SLC35F2: variants seen among roughly 807,000 people sequenced by gnomAD.
The protein encoded by SLC35F2 is queuine/queuosine transporter SLC35F2.
In SLC35F2, 25 loss-of-function variants were observed where a neutral mutation model predicts 38.1. The observed-to-expected ratio is 0.66, with a 90% CI of 0.48 to 0.92. SLC35F2 has a LOEUF of 0.92. Ranked by LOEUF, SLC35F2 falls within the 40% of genes least tolerant of loss-of-function variation. SLC35F2 has a pLI of 0.00. For missense variants in SLC35F2, 409 were observed against 452.9 expected, an observed-to-expected ratio of 0.90 and a Z score of 0.88; for synonymous variants, 173 against 181.7, an observed-to-expected ratio of 0.95 and a Z score of 0.38.
In SLC35F2 at chr11:107,792,735, G is replaced by A. The variant is rs770193545; in HGVS notation, c.1005C>T (p.Thr335=). The change falls in exon 8 of 8, where the codon ACC becomes ACT. Residue 335 remains threonine, a synonymous_variant. Transcript: ENST00000525815. ...CAGCCGGCTCGGCCGTGCGAGTAGG[G>A]GTGGAGCAGTACAGGATAAACCCCA... ...IMVGFILYCS[T]PTRTAEPAES... The A allele has an allele frequency of 2.5e-6, 4 of 1,613,894 alleles. No homozygotes were observed. In the East Asian group the frequency reaches 6.7e-5, roughly 27 times the overall value.
chr11:107,807,924 C>G (rs1055685931), intron 3 of SLC35F2, among the ~76,000 whole-genome samples: 2 of 152,150 alleles, frequency 1.3e-5, no homozygotes, highest in African/African-American at 4.8e-5. Flanking sequence ...CTACCTGCAA[C>G]CATTTACTCA....
chr11:107,811,731 G>A lies in SLC35F2; in HGVS notation c.350C>T (p.Ala117Val). ...KWWKYILLGL[A>V]DVEANYVIVR... ...GATCACATAATTAGCTTCCACATCT[G>A]CTAGTCCCAGCAGGATGTACTTCCA... The change falls in exon 3 of 8, where the codon GCA becomes GTA. Residue 117 changes from alanine to valine, a missense_variant. Ala to Val is a moderately conservative substitution (Grantham distance 64). Transcript: ENST00000525815. 6.2e-7 allele frequency: 1 copy of A among 1,613,128 alleles called. No individual in the cohort carries two copies. Among genetic ancestry groups the A allele is most frequent in the Non-Finnish European group, 8.5e-7 (1 of 1,179,126 alleles).
At chr11:107,837,879 C>T (rs1340444465) in intron 1 of SLC35F2, among the ~76,000 whole-genome samples, 1 of 151,900 alleles carries the variant, frequency 6.6e-6, no homozygotes, top group Non-Finnish European at 1.5e-5. Context: ...ATGCAGACAT[C>T]GTGTTATGGA....
At chr11:107,855,692 G>A (rs751924724) in intron 1 of SLC35F2, among the ~76,000 whole-genome samples, 1 of 150,608 alleles carries the variant, frequency 6.6e-6, no homozygotes, top group Non-Finnish European at 1.5e-5. Flanking sequence ...CACAAGAAAG[G>A]AAAAAGCCCT....
intron 1 of SLC35F2, among the ~76,000 whole-genome samples, chr11:107,816,706 C>A (rs947159140): frequency 2.0e-5 from 3 of 151,862 alleles, no homozygotes; most frequent in African/African-American, 7.3e-5. Flanking sequence ...TATGGTTAAC[C>A]AAGATCCTAA....
Position 107,847,789 on chromosome 11 carries a change from T to A in SLC35F2, c.110+10869A>T, listed in dbSNP as rs17107512. Among the ~76,000 whole-genome samples the A allele has an allele frequency of 7.8e-3, 1,191 of 152,214 alleles. 13 individuals carry two copies. Among genetic ancestry groups the A allele is most frequent in the African/African-American group, 0.027 (1,138 of 41,520 alleles). The stretch of plus-strand genomic sequence containing the variant: ...AGCAATCCCAGGAGGGAACTACAGG[T>A]GCAAAGGCGCAGGTATGGTGTGCAC... On this transcript the variant is annotated intron_variant, in intron 1 of 7. Coordinates refer to ENST00000525815, the MANE Select transcript of SLC35F2 (RefSeq NM_017515.5).
chr11:107,792,898 C>G, intron 7 of SLC35F2, 98 bp from the exon 8 acceptor site: 1 of 1,363,074 alleles, frequency 7.3e-7, no homozygotes, highest in Non-Finnish European at 9.4e-7. Context: ...CTCTCATAAT[C>G]TTTTTATTTT....
In SLC35F2 at chr11:107,805,411, C is replaced by T; in HGVS notation, c.679G>A (p.Glu227Lys). The T allele has an allele frequency of 6.2e-7, 1 of 1,614,142 alleles. No individual in the cohort carries two copies. The highest frequency in any genetic ancestry group is 8.5e-7 in the Non-Finnish European group (1 of 1,180,006). Residue 227 changes from glutamate to lysine, a missense_variant, in exon 5 of 8, where the codon GAG becomes AAG. Coordinates refer to ENST00000525815, the MANE Select transcript of SLC35F2 (RefSeq NM_017515.5). ...AACAGGCCCACCATTCCTAAAAACT[C>T]CTGTCTGCTCAGCTTCTTCACGATG... ...EYIVKKLSRQ[E>K]FLGMVGLFGT...
intron 1 of SLC35F2, among the ~76,000 whole-genome samples, chr11:107,856,186 C>G (rs1410578763): frequency 6.6e-6 from 1 of 151,734 alleles, no homozygotes; most frequent in Non-Finnish European, 1.5e-5. Context: ...AAACATACAT[C>G]TTGCCATATC....
intron 1 of SLC35F2, among the ~76,000 whole-genome samples, chr11:107,818,397 A>G (rs1000727999): frequency 6.6e-5 from 10 of 150,836 alleles, no homozygotes; most frequent in Non-Finnish European, 1.3e-4. Flanking sequence ...TACCACTACA[A>G]AAAAGAAAAA....
In SLC35F2 at chr11:107,792,769, A is replaced by C; in HGVS notation, c.971T>G (p.Val324Gly). 1 of 1,600,024 alleles carries C rather than the reference A, an allele frequency of 6.2e-7. No homozygotes were observed. Among genetic ancestry groups the C allele is most frequent in the Non-Finnish European group, 8.5e-7 (1 of 1,172,614 alleles). The change falls in exon 8 of 8, where the codon GTC (valine) becomes GGC (glycine). Residue 324 changes from valine to glycine, a missense_variant. Transcript: ENST00000525815. ...FSGLYILSFT[V>G]IMVGFILYCS... ...GTACAGGATAAACCCCACCATGATGACAGTGAAGGACAGGATGTAGAGTCC... is the reference window on the plus strand; with the variant it reads ...GTACAGGATAAACCCCACCATGATGCCAGTGAAGGACAGGATGTAGAGTCC...
chr11:107,842,279 A>AAAAAAAAAAAAAT, intron 1 of SLC35F2, among the ~76,000 whole-genome samples: 1 of 148,762 alleles, frequency 6.7e-6, no homozygotes, highest in Non-Finnish European at 1.5e-5. Flanking sequence ...AAAAAAAAAA[A>AAAAAAAAAAAAAT]AAAAAATTAA....
chr11:107,803,208 AAGGAGTTTG>A, intron 6 of SLC35F2, 53 bp from the exon 7 acceptor site: 1 of 1,530,638 alleles, frequency 6.5e-7, no homozygotes, highest in Non-Finnish European at 8.8e-7. Context: ...ACATAAGACA[AAGGAGTTTG>A]AGGCTTAGCT....
At chr11:107,801,105 C>T (rs925428640) in intron 7 of SLC35F2, among the ~76,000 whole-genome samples, 4 of 152,184 alleles carry the variant, frequency 2.6e-5, no homozygotes, top group African/African-American at 9.6e-5. Context: ...GGGGTTTCCC[C>T]ATGTTGGCCA....
intron 3 of SLC35F2, chr11:107,809,721 C>T: frequency 1.0e-6 from 1 of 981,258 alleles, no homozygotes; most frequent in Non-Finnish European, 1.2e-6. Context: ...ATTGTATAGT[C>T]ACAGTAAGCA....
Position 107,810,295 on chromosome 11 carries a change from T to C in SLC35F2, c.414+1372A>G, listed in dbSNP as rs138014295. On this transcript the variant is annotated intron_variant, in intron 3 of 7. Transcript: ENST00000525815. ...GTGAAAGAAATTGTTTTCAATTTCTTTGAAATTGAAAGAAGGCATGAACTT... is the reference window on the plus strand; with the variant it reads ...GTGAAAGAAATTGTTTTCAATTTCTCTGAAATTGAAAGAAGGCATGAACTT... The C allele has an allele frequency of 1.4e-3, 1,368 of 985,396 alleles. 13 individuals carry two copies. The African/African-American group carries it at 0.021, about 15-fold the overall frequency. 61.0% of individuals were successfully genotyped at this position (985,396 alleles called of 1,614,324 possible). A position where few individuals can be genotyped will look rare whatever the true frequency, so the allele number is the denominator to read the frequency against.
At chr11:107,803,247 C>T in intron 6 of SLC35F2, 92 bp from the exon 7 acceptor site, 1 of 1,419,542 alleles carries the variant, frequency 7.0e-7, no homozygotes, top group South Asian at 1.6e-5. Flanking sequence ...AACTCCCTAA[C>T]CCTTTAACAT....
intron 2 of SLC35F2, 110 bp downstream of exon 2, chr11:107,815,680 G>T: frequency 8.3e-7 from 1 of 1,207,316 alleles, no homozygotes; most frequent in Admixed American, 2.4e-5. Flanking sequence ...TCAGAGAATT[G>T]TGCATAAGTC....
intron 1 of SLC35F2, among the ~76,000 whole-genome samples, chr11:107,837,513 C>T (rs1859947954): frequency 7.1e-6 from 1 of 141,120 alleles, no homozygotes; most frequent in South Asian, 2.4e-4. Context: ...CATGGAGAAG[C>T]CCTGTCTCTA....
Sources: allele counts gnomAD v4.1 joint callset (sites outside exome capture counted in the v4.1 genomes callset), GRCh38; gene constraint gnomAD v4.1.1; transcripts MANE v1.5; gene names NCBI Gene and HGNC (gene_info 2026-07-23, HGNC 2026-07-21).